Variants in PSG6 observed in about 807,000 individuals in gnomAD.
The protein encoded by PSG6 is pregnancy specific beta-1-glycoprotein 6.
A neutral mutation model predicts 43.3 loss-of-function variants in PSG6; 51 were observed. The observed-to-expected ratio is 1.18, with a 90% CI of 0.94 to 1.49. PSG6 has a LOEUF of 1.49. Ranked by LOEUF, PSG6 falls within the 40% of genes most tolerant of loss-of-function variation. The pLI is 0.00. For synonymous variants in PSG6, 292 were observed against 197.6 expected (o/e 1.48, Z -4.01); for missense variants, 770 against 522.2 (o/e 1.47, Z -4.62).
chr19:42,906,339 G>A (rs1972111167), intron 5 of PSG6, among the ~76,000 whole-genome samples: 1 of 151,540 alleles, frequency 6.6e-6, no homozygotes, highest in South Asian at 2.1e-4. Context: ...GCTCGATTTA[G>A]CCAACTTCAG....
chr19:42,915,001 C>T (rs1230949626), intron 2 of PSG6, among the ~76,000 whole-genome samples: 1 of 151,516 alleles, frequency 6.6e-6, no homozygotes, highest in Non-Finnish European at 1.5e-5. Context: ...ATCAGCTGAC[C>T]ATTTGCTCTC....
chr19:42,910,599 T>A lies in PSG6; in HGVS notation c.687A>T (p.Pro229=), dbSNP rs771364938. Residue 229 remains proline, a synonymous_variant, in exon 3 of 6, where the codon CCA becomes CCT. Coordinates refer to ENST00000187910, the MANE Select transcript of PSG6 (RefSeq NM_001031850.4). ...RNPVSASRSD[P]VTLNLLPKLP... ...ACTCACGGAGGAGATTCAGGGTGAC[T>A]GGGTCACTGCGGCTGGCACTCACTG... 6.2e-7 allele frequency: 1 copy of A among 1,612,570 alleles called. No individual in the cohort carries two copies. Among genetic ancestry groups the A allele is most frequent in the Non-Finnish European group, 8.5e-7 (1 of 1,179,290 alleles).
chr19:42,917,664 C>T (rs1972363568), intron 1 of PSG6, 65 bp downstream of exon 1: 4 of 1,593,578 alleles, frequency 2.5e-6, no homozygotes, highest in East Asian at 2.3e-5. Context: ...CCATCCTCTC[C>T]AGGATACCCC....
intron 5 of PSG6, among the ~76,000 whole-genome samples, chr19:42,904,670 G>T (rs1972085049): frequency 6.6e-6 from 1 of 151,662 alleles, no homozygotes; most frequent in Non-Finnish European, 1.5e-5. Context: ...GACATTTTGT[G>T]TTCATGAATT....
intron 5 of PSG6, among the ~76,000 whole-genome samples, chr19:42,904,372 T>G (rs1759201743): frequency 6.6e-6 from 1 of 151,700 alleles, no homozygotes; most frequent in African/African-American, 2.4e-5. Flanking sequence ...TGTTTATAGA[T>G]AACTTGAACT....
rs1002360630 is a variant in PSG6, at chr19:42,915,925, A to G, written c.427+200T>C. 9.4e-5 allele frequency: 75 copies of G among 793,786 alleles called. 3 individuals are homozygous for G. The highest frequency in any genetic ancestry group is 6.5e-4 in the Admixed American group (23 of 35,198). The allele number at this position is 793,786 out of a possible 1,614,324, so 49.2% of individuals were successfully genotyped here. On this transcript the variant is annotated intron_variant, in intron 2 of 5. Coordinates refer to ENST00000187910, the MANE Select transcript of PSG6 (RefSeq NM_001031850.4). ...TCCTTCCTCTGCAGCGAGTGTCTGC[A>G]GGGTCTGGATGCGGGAAAGGAATTC...
In PSG6 at chr19:42,902,144, C is replaced by T; in HGVS notation, c.*268G>A. The stretch of plus-strand genomic sequence containing the variant: ...CTATGAATACTCATGAATAGTTTCC[C>T]AATTCTGGGGCACTCAGATAGAGAG... On this transcript the variant is annotated 3_prime_UTR_variant, in exon 6 of 6. Coordinates refer to ENST00000187910, the MANE Select transcript of PSG6 (RefSeq NM_001031850.4). 1 of 392,928 alleles carries T rather than the reference C, an allele frequency of 2.5e-6. No individual in the cohort carries two copies. Among genetic ancestry groups the T allele is most frequent in the East Asian group, 4.8e-5 (1 of 20,836 alleles). The allele number at this position is 392,928 out of a possible 1,614,324, so 24.3% of individuals were successfully genotyped here. A position where few individuals can be genotyped will look rare whatever the true frequency, so the allele number is the denominator to read the frequency against.
intron 2 of PSG6, among the ~76,000 whole-genome samples, chr19:42,912,902 C>G (rs777494542): frequency 6.6e-6 from 1 of 151,682 alleles, no homozygotes; most frequent in African/African-American, 2.4e-5. Flanking sequence ...GGTCCCCAAA[C>G]CACAAGTATT....
At chr19:42,914,026 T>G (rs1972276253) in intron 2 of PSG6, among the ~76,000 whole-genome samples, 1 of 151,716 alleles carries the variant, frequency 6.6e-6, no homozygotes, top group Admixed American at 6.6e-5. Context: ...ACCATTTCAA[T>G]AAATTTTATT....
At chr19:42,916,092 C>T (rs772566074) in intron 2 of PSG6, 33 bp downstream of exon 2, 2 of 1,606,978 alleles carry the variant, frequency 1.2e-6, no homozygotes, top group Non-Finnish European at 1.7e-6. Flanking sequence ...ACCCCTGCCC[C>T]CCAACACCCA....
rs142158348 is a variant in PSG6 at position 42,906,978 on chromosome 19, A to G, written c.1184T>C (p.Val395Ala). The G allele has an allele frequency of 3.1e-6, 5 of 1,612,436 alleles. No homozygotes were observed. Among genetic ancestry groups the G allele is most frequent in the Non-Finnish European group, 4.2e-6 (5 of 1,179,098 alleles). The change falls in exon 5 of 6, where the codon GTT becomes GCT. Residue 395 changes from valine to alanine, a missense_variant. Physicochemically the swap from Val to Ala is moderately conservative, Grantham distance 64. Coordinates refer to ENST00000187910, the MANE Select transcript of PSG6 (RefSeq NM_001031850.4). ...TNHSGLYACS[V>A]RNSATGKEIS... ...TTCCTTGCCAGTGGCTGAGTTACGA[A>G]CAGAGCAAGCATAGAGCCCGCTATG...
At position 42,916,110 on chromosome 19, in the gene PSG6, T is replaced by C. The variant is rs752143461; in HGVS notation, c.427+15A>G. ...CCTGCCCCCCAACACCCAGGGATCA[T>C]GCGGAATCACTCACAGTATAAGGTG... On this transcript the variant is annotated intron_variant, in intron 2 of 5. Coordinates refer to ENST00000187910, the MANE Select transcript of PSG6 (RefSeq NM_001031850.4). The C allele has an allele frequency of 5.3e-5, 86 of 1,609,424 alleles. 1 individual carries two copies. Among genetic ancestry groups the C allele is most frequent in the African/African-American group, 1.2e-4 (9 of 74,602 alleles).
intron 2 of PSG6, among the ~76,000 whole-genome samples, chr19:42,914,605 C>T (rs1972289970): frequency 6.6e-6 from 1 of 151,144 alleles, no homozygotes; most frequent in African/African-American, 2.4e-5. Context: ...GCTTTAGGGT[C>T]AAGAGGTAGT....
chr19:42,917,803 G>C lies in PSG6; in HGVS notation c.-11C>G, dbSNP rs765464564. The C allele has an allele frequency of 1.1e-5, 18 of 1,607,976 alleles. No homozygotes were observed. The highest frequency in any genetic ancestry group is 1.0e-4 in the South Asian group (9 of 90,376). On this transcript the variant is annotated 5_prime_UTR_variant, in exon 1 of 6. Transcript: ENST00000187910. ...TGAGAGGGGTCCCATGGTCTCTGCT[G>C]TCTGTGTGTTCTCCCCTGTGGAGAT...
In PSG6 at chr19:42,914,802, C is replaced by T. The variant is rs749862461; in HGVS notation, c.427+1323G>A. Among the ~76,000 whole-genome samples, 55 of 151,584 alleles carry T rather than the reference C, an allele frequency of 3.6e-4. 3 individuals are homozygous for T. Among genetic ancestry groups the T allele is most frequent in the Non-Finnish European group, 5.0e-4 (34 of 67,898 alleles). ...CTCTCTCACTGGGCCTGTGCTGAGG[C>T]AGGGTGTGAGTGGGGAAAGAAAACA... On this transcript the variant is annotated intron_variant, in intron 2 of 5. Transcript: ENST00000187910.
chr19:42,903,810 T>G, intron 5 of PSG6: 1 of 1,419,642 alleles, frequency 7.0e-7, no homozygotes, highest in South Asian at 1.7e-5. Context: ...GGAGAATTGC[T>G]TGAGCCCAGG....
intron 2 of PSG6, among the ~76,000 whole-genome samples, 190 bp from the exon 3 acceptor site, chr19:42,911,048 T>C (rs1323884845): frequency 6.6e-6 from 1 of 151,466 alleles, no homozygotes; most frequent in Admixed American, 6.6e-5. Context: ...CTGCCTGCTT[T>C]ATGTAGGAGA....
At chr19:42,913,899 T>G (rs1005094675) in intron 2 of PSG6, among the ~76,000 whole-genome samples, 1 of 151,606 alleles carries the variant, frequency 6.6e-6, no homozygotes, top group Non-Finnish European at 1.5e-5. Context: ...CCCCTGAAAC[T>G]ATCCTTGAAA....
At chr19:42,910,523 C>A in intron 3 of PSG6, 57 bp downstream of exon 3, 1 of 1,612,510 alleles carries the variant, frequency 6.2e-7, no homozygotes, top group Non-Finnish European at 8.5e-7. Flanking sequence ...GGCCTGGCCT[C>A]TGGCCACTTG....
Sources: allele counts gnomAD v4.1 joint callset (sites outside exome capture counted in the v4.1 genomes callset), GRCh38; gene constraint gnomAD v4.1.1; transcripts MANE v1.5; gene names NCBI Gene and HGNC (gene_info 2026-07-23, HGNC 2026-07-21).